Variants in SPAG9 observed in about 807,000 individuals in gnomAD.
SPAG9 encodes the protein sperm associated antigen 9.
In SPAG9, 35 loss-of-function variants were observed where a neutral mutation model predicts 166.5. The ratio of observed to expected loss-of-function variants is 0.21; its 90% CI spans 0.16 to 0.28. SPAG9 has a LOEUF of 0.28. Ranked by LOEUF, SPAG9 falls within the 10% of genes least tolerant of loss-of-function variation. The pLI is 1.00. For synonymous variants in SPAG9, 534 were observed against 565.5 expected (o/e 0.94, Z 0.79); for missense variants, 1,235 against 1,603.3 (o/e 0.77, Z 3.92).
chr17:50,982,506 C>T lies in SPAG9; in HGVS notation c.3237+18G>A. ...ATACAAATTCAATAAATACAGAAAACATAGGCTAATAACTTGCCTCTATTT... is the reference window on the plus strand; with the variant it reads ...ATACAAATTCAATAAATACAGAAAATATAGGCTAATAACTTGCCTCTATTT... On this transcript the variant is annotated intron_variant, in intron 25 of 29. Transcript: ENST00000262013. 6.3e-7 allele frequency: 1 copy of T among 1,597,692 alleles called. No individual in the cohort carries two copies. Among genetic ancestry groups the T allele is most frequent in the South Asian group, 1.1e-5 (1 of 88,070 alleles).
intron 1 of SPAG9, among the ~76,000 whole-genome samples, chr17:51,083,425 C>T (rs151109786): frequency 1.5e-3 from 232 of 151,394 alleles, no homozygotes; most frequent in Middle Eastern, 6.8e-3. Flanking sequence ...TTGGTAGAGA[C>T]GGGGTTTCAC....
chr17:50,982,807 T>C, intron 24 of SPAG9, 135 bp from the exon 25 acceptor site: 1 of 790,296 alleles, frequency 1.3e-6, no homozygotes, highest in Non-Finnish European at 1.9e-6. Flanking sequence ...GTATATCTTT[T>C]ATTTGCAGCC....
intron 1 of SPAG9, among the ~76,000 whole-genome samples, chr17:51,118,053 A>G (rs1484880524): frequency 6.6e-6 from 1 of 151,508 alleles, no homozygotes; most frequent in East Asian, 2.0e-4. Context: ...CTGAGGCAGA[A>G]GAATTGCTTG....
At position 50,998,547 on chromosome 17, in the gene SPAG9, T is replaced by C; in HGVS notation, c.1735A>G (p.Asn579Asp). Residue 579 changes from asparagine to aspartate, a missense_variant, in exon 15 of 30, where the codon AAT (asparagine) becomes GAT (aspartate). This residue lies in a region of SPAG9 where 493 missense variants were observed against 559.4 expected (regional missense o/e 0.88). Transcript: ENST00000262013. ...GGAGTAACATGAGACGTGGGTGCAT[T>C]GTACTTCAGATTAACAGGTGGTTCA... ...KPEPPVNLKY[N>D]APTSHVTPSV... The C allele has an allele frequency of 6.2e-7, 1 of 1,614,146 alleles. No homozygotes were observed. Among genetic ancestry groups the C allele is most frequent in the Non-Finnish European group, 8.5e-7 (1 of 1,180,018 alleles).
intron 1 of SPAG9, among the ~76,000 whole-genome samples, chr17:51,089,355 T>C (rs2048385963): frequency 6.7e-6 from 1 of 149,290 alleles, no homozygotes; most frequent in Non-Finnish European, 1.5e-5. Context: ...ACCCAAGAGG[T>C]AGAGGTTGCA....
At chr17:51,108,697 A>G (rs148196040) in intron 1 of SPAG9, among the ~76,000 whole-genome samples, 3 of 152,160 alleles carry the variant, frequency 2.0e-5, no homozygotes, top group East Asian at 3.9e-4. Flanking sequence ...CGGTCTCACT[A>G]TGTTGCCCAG....
intron 5 of SPAG9, among the ~76,000 whole-genome samples, chr17:51,035,070 CAGACTG>C (rs2046533345): frequency 6.6e-6 from 1 of 152,138 alleles, no homozygotes; most frequent in Admixed American, 6.6e-5. Context: ...TGCACTTTGG[CAGACTG>C]AGACAGGAGG....
intron 4 of SPAG9, among the ~76,000 whole-genome samples, chr17:51,045,698 C>T (rs546847806): frequency 1.6e-4 from 24 of 152,200 alleles, no homozygotes; most frequent in South Asian, 6.2e-4. Flanking sequence ...GCTAGTCTGA[C>T]GGTTTAGAAA....
At chr17:51,098,915 T>C (rs948119699) in intron 1 of SPAG9, among the ~76,000 whole-genome samples, 32 of 150,896 alleles carry the variant, frequency 2.1e-4, no homozygotes, top group South Asian at 1.9e-3. Context: ...TCCTGGCCAA[T>C]ATGCTGAAAC....
intron 5 of SPAG9, among the ~76,000 whole-genome samples, chr17:51,037,685 A>ATATATATAGTGTGTGTGTGTGTGT: frequency 6.0e-5 from 5 of 83,504 alleles, no homozygotes; most frequent in African/African-American, 2.0e-4. Flanking sequence ...ATATATATAT[A>ATATATATAGTGTGTGTGTGTGTGT]GTGTGTGTGT....
At position 51,079,668 on chromosome 17, in the gene SPAG9, T is replaced by C; in HGVS notation, c.340A>G (p.Lys114Glu). 6.3e-7 allele frequency: 1 copy of C among 1,596,336 alleles called. No homozygotes were observed. Among genetic ancestry groups the C allele is most frequent in the Non-Finnish European group, 8.6e-7 (1 of 1,163,942 alleles). The change falls in exon 2 of 30, where the codon AAA (lysine) becomes GAA (glutamate). Residue 114 changes from lysine to glutamate, a missense_variant. Around this residue, in one of 6 missense-constraint regions of SPAG9, gnomAD observed 288 missense variants for 323.7 expected, o/e 0.89. Transcript: ENST00000262013. ...TCCACTCGGGTCTGTAAGTCCTTTT[T>C]TTCCTGTTCTTGAGAGTCTTCAAAT... ...IEFEDSQEQE[K>E]KDLQTRVESL...
At chr17:51,059,535 C>T (rs1326698347) in intron 2 of SPAG9, among the ~76,000 whole-genome samples, 2 of 151,898 alleles carry the variant, frequency 1.3e-5, no homozygotes, top group East Asian at 3.9e-4. Flanking sequence ...GGGCGGATCA[C>T]AAGGTCAGAA....
chr17:51,082,092 C>A (rs1179573123), intron 1 of SPAG9, among the ~76,000 whole-genome samples: 5 of 151,918 alleles, frequency 3.3e-5, no homozygotes, highest in Non-Finnish European at 5.9e-5. Context: ...AACTGTGATA[C>A]CAGGCCAGGC....
At chr17:51,023,978 T>C (rs866428409) in intron 6 of SPAG9, among the ~76,000 whole-genome samples, 15 of 152,186 alleles carry the variant, frequency 9.9e-5, no homozygotes, top group Admixed American at 9.2e-4. Flanking sequence ...TTTTTCTAAA[T>C]AGAAAATTTG....
intron 8 of SPAG9, among the ~76,000 whole-genome samples, chr17:51,016,917 T>TA (rs1568002154): frequency 6.6e-6 from 1 of 152,094 alleles, no homozygotes; most frequent in South Asian, 2.1e-4. Flanking sequence ...GGGAAAAAAA[T>TA]AAAAAAATAA....
intron 3 of SPAG9, among the ~76,000 whole-genome samples, chr17:51,050,707 C>G (rs765009999): frequency 1.0e-4 from 15 of 150,324 alleles, no homozygotes; most frequent in Non-Finnish European, 4.4e-5. Context: ...TAAGGCCTCA[C>G]AGTATCACTC....
chr17:50,982,720 C>G (rs755068195), intron 24 of SPAG9, 48 bp from the exon 25 acceptor site: 19 of 1,462,778 alleles, frequency 1.3e-5, no homozygotes, highest in Middle Eastern at 3.6e-4. Context: ...ACCTGTTACT[C>G]AATTTCAACA....
rs1156847461 is a variant in SPAG9, at chr17:50,993,943, G to A, written c.2227-8C>T. The A allele has an allele frequency of 1.2e-6, 2 of 1,611,610 alleles. No individual in the cohort carries two copies. Among genetic ancestry groups the A allele is most frequent in the Non-Finnish European group, 1.7e-6 (2 of 1,178,326 alleles). On this transcript the variant is annotated splice_region_variant and splice_polypyrimidine_tract_variant and intron_variant, in intron 18 of 29. Transcript: ENST00000262013. ...TAACTCCTTCTGCTGTTCCTGTATAGGCAAAGGAGGAAAAATGTTTAAAAC... is the reference window on the plus strand; with the variant it reads ...TAACTCCTTCTGCTGTTCCTGTATAAGCAAAGGAGGAAAAATGTTTAAAAC...
chr17:51,090,706 T>C (rs1249807400), intron 1 of SPAG9, among the ~76,000 whole-genome samples: 3 of 152,316 alleles, frequency 2.0e-5, no homozygotes, highest in South Asian at 2.1e-4. Context: ...AGATCTTGCA[T>C]AATTCAACAG....
Sources: gnomAD v4.1 joint callset for allele counts (sites outside exome capture counted in the v4.1 genomes callset) on GRCh38, gnomAD v4.1.1 for gene constraint, gnomAD v4.1.1 regional missense constraint, MANE v1.5 for transcripts, NCBI Gene and HGNC (gene_info 2026-07-23, HGNC 2026-07-21) for gene names.